TPD52: variants seen among roughly 807,000 people sequenced by gnomAD.
TPD52 encodes tumor protein D52.
In TPD52, 17 loss-of-function variants were observed where a neutral mutation model predicts 31.3. The ratio of observed to expected loss-of-function variants is 0.54; its 90% CI spans 0.37 to 0.82. The LOEUF is 0.82. TPD52 is among the 40% of genes least tolerant of loss of function. The pLI is 0.00. For synonymous variants in TPD52, 83 were observed against 89.6 expected, an observed-to-expected ratio of 0.93 and a Z score of 0.42; for missense variants, 212 against 240.1, an observed-to-expected ratio of 0.88 and a Z score of 0.77.
At chr8:80,138,831 C>T (rs1394843009) in intron 1 of TPD52, among the ~76,000 whole-genome samples, 2 of 152,182 alleles carry the variant, frequency 1.3e-5, no homozygotes, top group Admixed American at 6.5e-5. Context: ...TGTCATCAGA[C>T]GGCTTCCTGA....
At chr8:80,093,174 G>GAATAAT (rs143097494) in intron 1 of TPD52, among the ~76,000 whole-genome samples, 2 of 151,680 alleles carry the variant, frequency 1.3e-5, no homozygotes, top group African/African-American at 2.4e-5. Flanking sequence ...TTCGACTCTG[G>GAATAAT]AATAATAATA....
intron 1 of TPD52, among the ~76,000 whole-genome samples, chr8:80,130,191 G>C (rs1392986871): frequency 6.6e-6 from 1 of 152,180 alleles, no homozygotes; most frequent in Non-Finnish European, 1.5e-5. Context: ...GTTTGGAATA[G>C]ACATGGGGTG....
intron 7 of TPD52, among the ~76,000 whole-genome samples, chr8:80,038,818 G>T (rs1036245729): frequency 2.0e-5 from 3 of 152,084 alleles, no homozygotes; most frequent in African/African-American, 7.2e-5. Context: ...ATCAACACTT[G>T]AACAAAATCC....
chr8:80,147,794 G>T (rs1810299875), intron 1 of TPD52, among the ~76,000 whole-genome samples: 1 of 151,666 alleles, frequency 6.6e-6, no homozygotes. Flanking sequence ...TCAAGACAGT[G>T]GGGCCTGGAA....
intron 1 of TPD52, among the ~76,000 whole-genome samples, chr8:80,154,396 A>G (rs1406654359): frequency 2.6e-5 from 4 of 152,238 alleles, no homozygotes; most frequent in Non-Finnish European, 4.4e-5. Flanking sequence ...GCAAAGCCCA[A>G]GGTGGACGTG....
chr8:80,047,911 G>T (rs58604817), intron 5 of TPD52, among the ~76,000 whole-genome samples: 27,650 of 152,124 alleles, frequency 0.18, 7,374 homozygotes, highest in African/African-American at 0.59. Context: ...CCAAAAATAT[G>T]AGACAAATGT....
At chr8:80,126,416 G>T (rs973542747) in intron 1 of TPD52, among the ~76,000 whole-genome samples, 1 of 144,022 alleles carries the variant, frequency 6.9e-6, no homozygotes, top group East Asian at 2.0e-4. Flanking sequence ...TTTTAATTAC[G>T]CATCATTTCT....
chr8:80,138,169 C>T (rs1809568278), intron 1 of TPD52, among the ~76,000 whole-genome samples: 1 of 152,050 alleles, frequency 6.6e-6, no homozygotes, highest in African/African-American at 2.4e-5. Context: ...TGGTGAACTC[C>T]CGACCTCAGG....
chr8:80,115,173 T>G (rs1017021897), intron 1 of TPD52, among the ~76,000 whole-genome samples: 1 of 152,214 alleles, frequency 6.6e-6, no homozygotes, highest in South Asian at 2.1e-4. Flanking sequence ...TTCAACCACT[T>G]AGGCCCACTT....
chr8:80,119,838 T>C, intron 1 of TPD52: 1 of 420,730 alleles, frequency 2.4e-6, no homozygotes, highest in Non-Finnish European at 4.6e-6. Flanking sequence ...GGAGAAAAGA[T>C]AAATCTTTCC....
At chr8:80,140,321 T>C (rs1236186453) in intron 1 of TPD52, among the ~76,000 whole-genome samples, 1 of 152,192 alleles carries the variant, frequency 6.6e-6, no homozygotes. Context: ...AAATTCTAAT[T>C]ACTCCACAGT....
intron 1 of TPD52, among the ~76,000 whole-genome samples, chr8:80,157,752 C>A (rs1266141043): frequency 1.3e-5 from 2 of 152,184 alleles, no homozygotes; most frequent in Non-Finnish European, 2.9e-5. Flanking sequence ...TATCATACCA[C>A]CCAGGGAAAG....
At chr8:80,097,584 A>G (rs1895869) in intron 1 of TPD52, among the ~76,000 whole-genome samples, 71,793 of 151,912 alleles carry the variant, frequency 0.47, 17,240 homozygotes, top group East Asian at 0.72. Context: ...CTCCTGTTCC[A>G]CCCATCTAAG....
At chr8:80,041,129 A>C (rs1810342299) in intron 7 of TPD52, among the ~76,000 whole-genome samples, 1 of 152,140 alleles carries the variant, frequency 6.6e-6, no homozygotes, top group African/African-American at 2.4e-5. Context: ...ATCACACACC[A>C]AGGCGCCTGT....
chr8:80,046,593 C>T (rs1586147271), intron 5 of TPD52, among the ~76,000 whole-genome samples: 1 of 152,074 alleles, frequency 6.6e-6, no homozygotes, highest in East Asian at 1.9e-4. Context: ...GCTACGGGAC[C>T]AGAATCATCT....
intron 5 of TPD52, among the ~76,000 whole-genome samples, chr8:80,049,361 T>C (rs1226615395): frequency 1.3e-5 from 2 of 152,238 alleles, no homozygotes; most frequent in East Asian, 3.8e-4. Flanking sequence ...CAGTTACTTA[T>C]AGCACTTTTT....
intron 1 of TPD52, among the ~76,000 whole-genome samples, chr8:80,166,879 C>A (rs79448337): frequency 6.6e-6 from 1 of 152,052 alleles, no homozygotes; most frequent in Non-Finnish European, 1.5e-5. Flanking sequence ...GCACTCCACC[C>A]TGGGTGGCAG....
At chr8:80,121,615 T>G (rs903956690) in intron 1 of TPD52, among the ~76,000 whole-genome samples, 1 of 152,276 alleles carries the variant, frequency 6.6e-6, no homozygotes, top group East Asian at 1.9e-4. Context: ...CTAATATAAT[T>G]ACCTCCCACT....
chr8:80,049,824 C>T (rs1476586238), intron 5 of TPD52, among the ~76,000 whole-genome samples: 2 of 152,016 alleles, frequency 1.3e-5, no homozygotes, highest in Non-Finnish European at 2.9e-5. Context: ...CTTTTTCAAA[C>T]CATGAAGTTG....
Sources: gnomAD v4.1 joint callset for allele counts (sites outside exome capture counted in the v4.1 genomes callset) on GRCh38, gnomAD v4.1.1 for gene constraint, MANE v1.5 for transcripts, NCBI Gene and HGNC (gene_info 2026-07-23, HGNC 2026-07-21) for gene names.